Variants in PTPRQ observed in about 807,000 individuals in gnomAD.
PTPRQ encodes the protein phosphatidylinositol phosphatase PTPRQ.
PTPRQ carries 199 observed loss-of-function variants against 246.0 expected under a neutral mutation model. That is an observed-to-expected ratio of 0.81 (90% confidence interval 0.72 to 0.91). The LOEUF (loss-of-function observed/expected upper bound fraction) is 0.91, where lower values mean the gene tolerates loss of function less well. PTPRQ is among the 40% of genes least tolerant of loss of function. The pLI, the probability that PTPRQ is intolerant of heterozygous loss-of-function variation, is 0.00. For synonymous variants in PTPRQ, 869 were observed against 853.2 expected (o/e 1.02, Z -0.32); for missense variants, 2,624 against 2,528.4 (o/e 1.04, Z -0.81).
At chr12:80,596,648 T>C (rs1897979315) in intron 26 of PTPRQ, among the ~76,000 whole-genome samples, 1 of 152,076 alleles carries the variant, frequency 6.6e-6, no homozygotes, top group Admixed American at 6.6e-5. Context: ...GTAAAGTAGG[T>C]GTAATACATT....
In PTPRQ at chr12:80,471,012, G is replaced by A. The variant is rs117984679; in HGVS notation, c.1040-1093G>A. Among the ~76,000 whole-genome samples the A allele has an allele frequency of 2.8e-4, 43 of 152,244 alleles. No individual in the cohort carries two copies. The East Asian group carries it at 7.7e-3, about 27-fold the overall frequency. ...ATTAAGTCTCAGGATATTAAAATCAGCACAAATTAAGATGGTAGCCTTGAA... is the reference window on the plus strand; with the variant it reads ...ATTAAGTCTCAGGATATTAAAATCAACACAAATTAAGATGGTAGCCTTGAA... On this transcript the variant is annotated intron_variant, in intron 7 of 44. Coordinates refer to ENST00000644991, the MANE Select transcript of PTPRQ (RefSeq NM_001145026.2).
intron 8 of PTPRQ, among the ~76,000 whole-genome samples, chr12:80,484,091 C>T (rs538494804): frequency 6.6e-5 from 10 of 151,958 alleles, no homozygotes; most frequent in Admixed American, 3.9e-4. Flanking sequence ...CTGTAACCTC[C>T]GCCTCTTGGG....
At chr12:80,545,799 A>C (rs1176202057) in intron 23 of PTPRQ, among the ~76,000 whole-genome samples, 2 of 149,268 alleles carry the variant, frequency 1.3e-5, no homozygotes, top group Non-Finnish European at 3.0e-5. Flanking sequence ...ATTATTATTT[A>C]TTACTGTTTT....
chr12:80,596,934 A>G (rs1323073213), intron 26 of PTPRQ, among the ~76,000 whole-genome samples: 1 of 152,002 alleles, frequency 6.6e-6, no homozygotes, highest in East Asian at 1.9e-4. Flanking sequence ...TGCTGGTACT[A>G]TTCTAAGTAC....
rs1449917236 is a variant in PTPRQ, at chr12:80,645,044, A to C, written c.5916-3853A>C. Among the ~76,000 whole-genome samples, 4 of 152,126 alleles carry C rather than the reference A, an allele frequency of 2.6e-5. No individual in the cohort carries two copies. In the East Asian group the frequency reaches 5.8e-4, roughly 22 times the overall value. On this transcript the variant is annotated intron_variant, in intron 35 of 44. Transcript: ENST00000644991. The stretch of plus-strand genomic sequence containing the variant: ...ATTACATAAAAACTGGACTACTAGA[A>C]GCTTTCTTATCTTATATAAACATAA...
chr12:80,612,422 G>T (rs1287792425), intron 28 of PTPRQ, among the ~76,000 whole-genome samples: 2 of 150,212 alleles, frequency 1.3e-5, no homozygotes, highest in African/African-American at 4.9e-5. Flanking sequence ...GACAACATAA[G>T]TTTTCAATAC....
chr12:80,654,057 CT>C (rs1900347755), intron 38 of PTPRQ, among the ~76,000 whole-genome samples: 1 of 142,780 alleles, frequency 7.0e-6, no homozygotes, highest in Non-Finnish European at 1.5e-5. Context: ...TCTTTTCTTT[CT>C]TTCTCTCTTT....
At chr12:80,583,650 T>C (rs1387647878) in intron 25 of PTPRQ, 1 of 152,294 alleles carries the variant, frequency 6.6e-6, no homozygotes, top group African/African-American at 2.4e-5. Context: ...TTTGTATTGG[T>C]CTTCTATTGC....
intron 38 of PTPRQ, among the ~76,000 whole-genome samples, chr12:80,654,289 T>C (rs1465152950): frequency 1.3e-5 from 2 of 152,216 alleles, no homozygotes; most frequent in African/African-American, 4.8e-5. Context: ...AGATGGTTTT[T>C]CACCATGTTT....
chr12:80,465,918 T>C (rs527498766), intron 6 of PTPRQ, among the ~76,000 whole-genome samples: 16 of 152,216 alleles, frequency 1.1e-4, no homozygotes, highest in East Asian at 9.7e-4. Flanking sequence ...GGGCAAAAAC[T>C]GGAAGCATTC....
chr12:80,597,349 A>C (rs1898003153), intron 26 of PTPRQ, among the ~76,000 whole-genome samples: 1 of 152,010 alleles, frequency 6.6e-6, no homozygotes, highest in Admixed American at 6.6e-5. Context: ...GCTTCATGGT[A>C]GCATGAAAAT....
intron 8 of PTPRQ, among the ~76,000 whole-genome samples, chr12:80,475,102 C>T (rs1893769160): frequency 1.3e-5 from 2 of 152,120 alleles, no homozygotes; most frequent in Non-Finnish European, 2.9e-5. Flanking sequence ...TACCTCAATG[C>T]TGTTTGTCTC....
chr12:80,609,477 T>C (rs560930818), intron 27 of PTPRQ, among the ~76,000 whole-genome samples: 2 of 150,752 alleles, frequency 1.3e-5, no homozygotes, highest in East Asian at 1.9e-4. Context: ...GTATGTATGA[T>C]AGGATTTTGA....
chr12:80,568,640 T>C (rs917271585), intron 25 of PTPRQ, among the ~76,000 whole-genome samples: 18 of 152,234 alleles, frequency 1.2e-4, no homozygotes, highest in African/African-American at 4.3e-4. Flanking sequence ...TCAAATTTCA[T>C]TTCCAGCACT....
At chr12:80,564,023 C>G (rs555573867) in intron 25 of PTPRQ, among the ~76,000 whole-genome samples, 2 of 151,874 alleles carry the variant, frequency 1.3e-5, no homozygotes, top group Admixed American at 1.3e-4. Context: ...CTAGACTGCA[C>G]TGTTTTTTTT....
At chr12:80,606,407 G>T (rs1898323428) in intron 27 of PTPRQ, among the ~76,000 whole-genome samples, 1 of 151,034 alleles carries the variant, frequency 6.6e-6, no homozygotes, top group Admixed American at 6.6e-5. Context: ...CTGAATGGGA[G>T]TAGATAGCCA....
intron 25 of PTPRQ, among the ~76,000 whole-genome samples, chr12:80,564,233 C>T (rs1455074524): frequency 6.6e-6 from 1 of 151,900 alleles, no homozygotes; most frequent in Non-Finnish European, 1.5e-5. Flanking sequence ...TTTATGGGGG[C>T]TTTTTTTGGT....
At chr12:80,476,808 T>C (rs1893825228) in intron 8 of PTPRQ, among the ~76,000 whole-genome samples, 3 of 152,180 alleles carry the variant, frequency 2.0e-5, no homozygotes, top group African/African-American at 7.2e-5. Flanking sequence ...TAATAAGGGA[T>C]CATAATTTTA....
intron 43 of PTPRQ, 139 bp downstream of exon 43, chr12:80,673,443 A>T: frequency 7.6e-7 from 1 of 1,322,990 alleles, no homozygotes; most frequent in Non-Finnish European, 9.9e-7. Flanking sequence ...TTTGGGGAGG[A>T]TTCGGGAGGG....
Sources: allele counts gnomAD v4.1 joint callset (sites outside exome capture counted in the v4.1 genomes callset), GRCh38; gene constraint gnomAD v4.1.1; transcripts MANE v1.5; gene names NCBI Gene and HGNC (gene_info 2026-07-23, HGNC 2026-07-21).